The following ZNF462 variants were observed in gnomAD, a reference collection of about 807,000 sequenced individuals.
ZNF462 encodes the protein zinc finger protein 462.
In ZNF462, 10 loss-of-function variants were observed where a neutral mutation model predicts 201.9. That is an observed-to-expected ratio of 0.05 (90% CI 0.03 to 0.08). The LOEUF (loss-of-function observed/expected upper bound fraction) is 0.08. Ranked by LOEUF, ZNF462 falls within the 10% of genes least tolerant of loss-of-function variation. The pLI is 1.00. For synonymous variants in ZNF462, 1,227 were observed against 1,193.3 expected (o/e 1.03, Z -0.58); for missense variants, 2,523 against 3,168.3 (o/e 0.80, Z 4.89).
At chr9:106,869,914 ATT>A in intron 1 of ZNF462, among the ~76,000 whole-genome samples, 1 of 150,270 alleles carries the variant, frequency 6.7e-6, no homozygotes, top group East Asian at 2.0e-4. Flanking sequence ...GCTCTTTTGG[ATT>A]TTTTTTTTCC....
rs778526221 is a variant in ZNF462, at chr9:106,925,553, ACCG to A, written c.1650_1652del (p.Pro554del). On this transcript the variant is annotated inframe_deletion, in exon 3 of 13. Transcript: ENST00000277225. This position sits in a 1 kb window ranked among gnomAD's most constrained non-coding sequence, Gnocchi z 7.9. ...AGCAACAGCCACCGCAGCCACCACC[ACCG>A]CCGCCGCCACCACCACCATCACAGC... 1.9e-6 allele frequency: 3 copies of A among 1,610,512 alleles called. No homozygotes were observed. Among genetic ancestry groups the A allele is most frequent in the African/African-American group, 2.7e-5 (2 of 74,666 alleles).
In ZNF462 at chr9:106,930,618, C is replaced by T. The variant is rs866842287; in HGVS notation, c.5941C>T (p.Arg1981Ter). The change falls in exon 4 of 13, where the codon CGA becomes TGA. Residue 1981 changes from arginine (R) to a stop codon, truncating the protein, a stop_gained. Transcript: ENST00000277225. LOFTEE classifies it high-confidence loss of function. This position sits in a 1 kb window ranked among gnomAD's most constrained non-coding sequence, Gnocchi z 5.8. ...KFCVEVHPTLRAICNHLRKHV... is the reference protein window; with the variant it reads ...KFCVEVHPTL ...CTGTGTGGAAGTGCACCCAACGCTC[C>T]GAGCCATCTGCAATCACCTCCGAAA... 1 of 1,614,112 alleles carries T rather than the reference C, an allele frequency of 6.2e-7. No individual in the cohort carries two copies. Among genetic ancestry groups the T allele is most frequent in the Non-Finnish European group, 8.5e-7 (1 of 1,180,038 alleles).
chr9:106,932,454 T>C lies in ZNF462; in HGVS notation c.6021T>C (p.Arg2007=), dbSNP rs777770212. The C allele has an allele frequency of 6.2e-7, 1 of 1,614,252 alleles. No individual in the cohort carries two copies. Among genetic ancestry groups the C allele is most frequent in the Non-Finnish European group, 8.5e-7 (1 of 1,180,046 alleles). ...TCCTGATGTCCATGCAGGGGCTGCG[T>C]TCTCATGAGAGGAGCCACCTGGCCC... ...PAVSAAVKGL[R]SHERSHLALA... is the part of the protein sequence containing the mutation. Residue 2007 remains arginine (R), a synonymous_variant, in exon 5 of 13, where the codon CGT becomes CGC. Coordinates refer to ENST00000277225, the MANE Select transcript of ZNF462 (RefSeq NM_021224.6). The surrounding 1 kb of genome is among the most constrained non-coding windows in gnomAD (Gnocchi z 6.8).
At chr9:106,904,745 T>C (rs1829196968) in intron 1 of ZNF462, among the ~76,000 whole-genome samples, 1 of 152,236 alleles carries the variant, frequency 6.6e-6, no homozygotes, top group Admixed American at 6.5e-5. Context: ...TAAAAGTGTG[T>C]CCAAAGTTTT....
Position 106,934,310 on chromosome 9 carries a change from A to AG in ZNF462, c.6117-1193_6117-1192insG, listed in dbSNP as rs1042671455. 2.8e-4 allele frequency among the ~76,000 whole-genome samples: 42 copies of AG among 152,136 alleles called. No individual in the cohort carries two copies. In the East Asian group the frequency reaches 6.9e-3, roughly 25 times the overall value. ...GCTCTTGAGATGAAAAAAAAAAAAA[A>AG]AAAATCCATGGGGGCTGGGGGACAA... is the stretch of plus-strand genomic sequence containing the variant. On this transcript the variant is annotated intron_variant, in intron 5 of 12. Coordinates refer to ENST00000277225, the MANE Select transcript of ZNF462 (RefSeq NM_021224.6).
At chr9:106,953,322 C>A (rs1003963805) in intron 7 of ZNF462, among the ~76,000 whole-genome samples, 1 of 151,740 alleles carries the variant, frequency 6.6e-6, no homozygotes, top group African/African-American at 2.4e-5. Flanking sequence ...CTCCTTGGCT[C>A]CCCCTCCCTC....
Position 106,970,706 on chromosome 9 carries a change from G to A in ZNF462, c.6428-1299G>A, listed in dbSNP as rs1361740508. On this transcript the variant is annotated intron_variant, in intron 7 of 12. Transcript: ENST00000277225. This position sits in a 1 kb window ranked among gnomAD's most constrained non-coding sequence, Gnocchi z 4.2. ...TTGTGTCATTCATAGGCAGCTGTAG[G>A]TTATATAGGACAATGTTTTTGAATT... Among the ~76,000 whole-genome samples, 1 of 152,144 alleles carries A rather than the reference G, an allele frequency of 6.6e-6. No homozygotes were observed. The highest frequency in any genetic ancestry group is 6.5e-5 in the Admixed American group (1 of 15,284).
Position 106,972,083 on chromosome 9 carries a change from G to A in ZNF462, c.6506G>A (p.Ser2169Asn), listed in dbSNP as rs1826649314. 11 of 1,614,194 alleles carry A rather than the reference G, an allele frequency of 6.8e-6. No individual in the cohort carries two copies. The highest frequency in any genetic ancestry group is 9.3e-6 in the Non-Finnish European group (11 of 1,180,028). ...YQSAALARNN[S>N]RVSPVPLSGA... The stretch of plus-strand genomic sequence containing the variant: ...TCAGCTGCCCTGGCAAGGAACAACA[G>A]CCGTGTTAGCCCTGTGCCTCTTTCT... The change falls in exon 8 of 13, where the codon AGC becomes AAC. Residue 2169 changes from serine (S) to asparagine (N), a missense_variant. Coordinates refer to ENST00000277225, the MANE Select transcript of ZNF462 (RefSeq NM_021224.6). The surrounding 1 kb of genome is among the most constrained non-coding windows in gnomAD (Gnocchi z 4.8).
chr9:107,001,538 C>T (rs191721353), intron 10 of ZNF462, among the ~76,000 whole-genome samples: 109 of 152,232 alleles, frequency 7.2e-4, no homozygotes, highest in African/African-American at 2.3e-3. Context: ...TCGGGTCTGT[C>T]TGACTTCAAA....
At chr9:106,888,065 G>A (rs1239997161) in intron 1 of ZNF462, among the ~76,000 whole-genome samples, 1 of 148,076 alleles carries the variant, frequency 6.8e-6, no homozygotes, top group Non-Finnish European at 1.5e-5. Flanking sequence ...TTTTTGAGAC[G>A]GAGTCTCCCT....
chr9:106,935,405 G>C lies in ZNF462; in HGVS notation c.6117-98G>C. 1 of 975,684 alleles carries C rather than the reference G, an allele frequency of 1.0e-6. No individual in the cohort carries two copies. The highest frequency in any genetic ancestry group is 2.2e-4 in the Middle Eastern group (1 of 4,624). 60.4% of individuals were successfully genotyped at this position (975,684 alleles called of 1,614,324 possible). ...GAAAGTAAACAAAAGGACTTTGAACGACCTAGAAGTAGGATTCCTGGAAAA... is the reference window on the plus strand; with the variant it reads ...GAAAGTAAACAAAAGGACTTTGAACCACCTAGAAGTAGGATTCCTGGAAAA... On this transcript the variant is annotated intron_variant, in intron 5 of 12. Transcript: ENST00000277225. This position sits in a 1 kb window ranked among gnomAD's most constrained non-coding sequence, Gnocchi z 4.1.
intron 10 of ZNF462, among the ~76,000 whole-genome samples, chr9:106,986,815 C>G (rs951561240): frequency 1.3e-5 from 2 of 152,024 alleles, no homozygotes; most frequent in African/African-American, 2.4e-5. Flanking sequence ...TATTCTTAGG[C>G]TTTTTTTCCT....
intron 1 of ZNF462, among the ~76,000 whole-genome samples, chr9:106,914,739 C>G (rs190993843): frequency 1.2e-4 from 18 of 152,124 alleles, no homozygotes; most frequent in African/African-American, 4.3e-4. Flanking sequence ...AAGGGTCATG[C>G]CAATAGTGAA....
intron 10 of ZNF462, among the ~76,000 whole-genome samples, chr9:106,996,062 A>G (rs1053363640): frequency 1.3e-5 from 2 of 151,862 alleles, no homozygotes; most frequent in Admixed American, 1.3e-4. Context: ...GAGAACATGC[A>G]GTGTTTGGTT....
At chr9:106,875,556 C>T (rs1485698365) in intron 1 of ZNF462, among the ~76,000 whole-genome samples, 5 of 152,192 alleles carry the variant, frequency 3.3e-5, no homozygotes, top group Admixed American at 3.3e-4. Flanking sequence ...GAACTTTTAA[C>T]TTTATATCAC....
intron 10 of ZNF462, among the ~76,000 whole-genome samples, chr9:106,992,143 A>G (rs1378333445): frequency 6.6e-6 from 1 of 152,086 alleles, no homozygotes; most frequent in African/African-American, 2.4e-5. Flanking sequence ...CAACTCAACA[A>G]TAAGAAGATA....
At chr9:106,940,436 A>G (rs2131631900) in intron 7 of ZNF462, among the ~76,000 whole-genome samples, 1 of 152,330 alleles carries the variant, frequency 6.6e-6, no homozygotes, top group South Asian at 2.1e-4. Flanking sequence ...AACATGGTCT[A>G]ATTCTCAGAT....
rs902677929 is a variant in ZNF462 at position 106,917,130 on chromosome 9, A to G, written c.-30-6224A>G. ...TATGTAGTATCTCTTTCTGTATGAG[A>G]CACTTACTACCTGCTTTCATAACAG... On this transcript the variant is annotated intron_variant, in intron 1 of 12. Coordinates refer to ENST00000277225, the MANE Select transcript of ZNF462 (RefSeq NM_021224.6). This position sits in a 1 kb window ranked among gnomAD's most constrained non-coding sequence, Gnocchi z 4.5. Among the ~76,000 whole-genome samples the G allele has an allele frequency of 2.6e-5, 4 of 152,204 alleles. No individual in the cohort carries two copies. Among genetic ancestry groups the G allele is most frequent in the Non-Finnish European group, 5.9e-5 (4 of 68,034 alleles).
In ZNF462 at chr9:106,970,605, T is replaced by G. The variant is rs890007707; in HGVS notation, c.6428-1400T>G. ...TTTCCCCCCTGCTTTTTGAAAGGCT[T>G]AAGAAAAGAGCCCTTTGTTTTCTTT... On this transcript the variant is annotated intron_variant, in intron 7 of 12. Coordinates refer to ENST00000277225, the MANE Select transcript of ZNF462 (RefSeq NM_021224.6). The surrounding 1 kb of genome is among the most constrained non-coding windows in gnomAD (Gnocchi z 4.2). Among the ~76,000 whole-genome samples, 2 of 152,198 alleles carry G rather than the reference T, an allele frequency of 1.3e-5. No individual in the cohort carries two copies. Among genetic ancestry groups the G allele is most frequent in the African/African-American group, 4.8e-5 (2 of 41,452 alleles).
Sources: allele counts gnomAD v4.1 joint callset (sites outside exome capture counted in the v4.1 genomes callset), GRCh38; gene constraint gnomAD v4.1.1; non-coding constraint Gnocchi (gnomAD v3.1); transcripts MANE v1.5; gene names NCBI Gene and HGNC (gene_info 2026-07-23, HGNC 2026-07-21).